The following NRG3 variants were observed in gnomAD, a reference collection of about 807,000 sequenced individuals.
The protein encoded by NRG3 is neuregulin 3.
NRG3 carries 31 observed loss-of-function variants against 66.9 expected under a neutral mutation model. The observed-to-expected ratio is 0.46, with a 90% CI of 0.35 to 0.63. NRG3 has a LOEUF of 0.63. Among genes scored for constraint, NRG3 ranks in the 20% least tolerant of loss-of-function variants. The probability of loss-of-function intolerance (pLI) is 0.00; values close to 1 mark genes in which losing one functional copy is unlikely to be tolerated. For missense variants in NRG3, 910 were observed against 878.9 expected, an observed-to-expected ratio of 1.04 and a Z score of -0.45; for synonymous variants, 393 against 359.4, an observed-to-expected ratio of 1.09 and a Z score of -1.06.
chr10:82,655,788 T>A (rs1401847709), intron 2 of NRG3, among the ~76,000 whole-genome samples: 1 of 152,224 alleles, frequency 6.6e-6, no homozygotes, highest in Admixed American at 6.5e-5. Context: ...ATTATGTGAC[T>A]ATTAGCAAGC....
At chr10:81,878,619 C>A (rs1380623889) in intron 1 of NRG3, among the ~76,000 whole-genome samples, 1 of 152,094 alleles carries the variant, frequency 6.6e-6, no homozygotes, top group Non-Finnish European at 1.5e-5. Flanking sequence ...CTTGATTATG[C>A]CCGTAAAGTT....
At chr10:82,186,992 T>A (rs1236501802) in intron 1 of NRG3, among the ~76,000 whole-genome samples, 1 of 152,190 alleles carries the variant, frequency 6.6e-6, no homozygotes, top group African/African-American at 2.4e-5. Flanking sequence ...TCTTACCTGA[T>A]CTTACTTTCC....
At chr10:81,936,599 CCT>C (rs2133052659) in intron 1 of NRG3, among the ~76,000 whole-genome samples, 1 of 152,042 alleles carries the variant, frequency 6.6e-6, no homozygotes, top group Admixed American at 6.6e-5. Context: ...TGAGAGAGAC[CCT>C]GTGTCAGCTA....
intron 1 of NRG3, among the ~76,000 whole-genome samples, chr10:82,089,211 C>T (rs1381529500): frequency 2.6e-5 from 4 of 151,670 alleles, no homozygotes; most frequent in East Asian, 1.9e-4. Flanking sequence ...TATTGAAATG[C>T]TAATTTATAA....
intron 3 of NRG3, among the ~76,000 whole-genome samples, chr10:82,814,664 G>C (rs897075708): frequency 6.6e-6 from 1 of 152,120 alleles, no homozygotes; most frequent in African/African-American, 2.4e-5. Context: ...TGAGTTTTAG[G>C]ACCAAGAAGT....
chr10:82,167,330 G>A (rs761358031), intron 1 of NRG3, among the ~76,000 whole-genome samples: 29 of 151,926 alleles, frequency 1.9e-4, no homozygotes, highest in Admixed American at 9.2e-4. Flanking sequence ...TTTATGATTC[G>A]TAGGCTGGAC....
At chr10:82,404,651 T>A (rs773064416) in intron 2 of NRG3, among the ~76,000 whole-genome samples, 22 of 152,196 alleles carry the variant, frequency 1.4e-4, no homozygotes, top group Non-Finnish European at 2.8e-4. Context: ...TGGGAAAATA[T>A]TTCTGAGATA....
chr10:82,950,224 G>A (rs1849395964), intron 4 of NRG3, among the ~76,000 whole-genome samples: 1 of 152,184 alleles, frequency 6.6e-6, no homozygotes, highest in Admixed American at 6.5e-5. Context: ...AATGTATATA[G>A]ATGCAATTAA....
chr10:82,541,259 C>A (rs189653243), intron 2 of NRG3, among the ~76,000 whole-genome samples: 1 of 151,962 alleles, frequency 6.6e-6, no homozygotes, highest in Non-Finnish European at 1.5e-5. Context: ...GATATAAATA[C>A]GCATGCATAT....
chr10:82,789,383 C>T lies in NRG3; in HGVS notation c.1027+50733C>T, dbSNP rs1117460. ...AAGTTGTAAGTGTTCTTTATATACT[C>T]AGTGGACAAGTGTCATATTAGAAAT... is the stretch of plus-strand genomic sequence containing the variant. On this transcript the variant is annotated intron_variant, in intron 3 of 8. Coordinates refer to ENST00000372141, the MANE Select transcript of NRG3 (RefSeq NM_001010848.4). Among the ~76,000 whole-genome samples the T allele has an allele frequency of 6.9e-3, 1,047 of 152,106 alleles. 13 individuals are homozygous for T. Among genetic ancestry groups the T allele is most frequent in the African/African-American group, 0.024 (1,009 of 41,516 alleles).
intron 2 of NRG3, among the ~76,000 whole-genome samples, chr10:82,617,702 G>A (rs1343975781): frequency 6.6e-6 from 1 of 152,140 alleles, no homozygotes; most frequent in African/African-American, 2.4e-5. Context: ...GGACGAAGCA[G>A]TGGGACGCAG....
intron 2 of NRG3, among the ~76,000 whole-genome samples, chr10:82,498,178 C>G (rs1843797978): frequency 6.7e-6 from 1 of 150,016 alleles, no homozygotes; most frequent in Admixed American, 6.6e-5. Flanking sequence ...TATATATTCT[C>G]TTATTTTATA....
At chr10:81,964,848 T>A (rs569882651) in intron 1 of NRG3, among the ~76,000 whole-genome samples, 17 of 152,324 alleles carry the variant, frequency 1.1e-4, no homozygotes, top group Admixed American at 3.9e-4. Flanking sequence ...TCCCATATTT[T>A]TCCGTGCTTA....
chr10:82,038,519 G>T (rs2062892947), intron 1 of NRG3, among the ~76,000 whole-genome samples: 1 of 152,134 alleles, frequency 6.6e-6, no homozygotes, highest in African/African-American at 2.4e-5. Flanking sequence ...CTCAATTTCA[G>T]ACTACTAGAA....
At position 82,391,998 on chromosome 10, in the gene NRG3, AAAAAAAAAAAAAC is replaced by A. The variant is rs1448711676; in HGVS notation, c.953+33141_953+33153del. ...AATCCTCTTTCGAGCACATGCAAAA[AAAAAAAAAAAAAC>A]AAAAAAAAAACCCACGAAACTAGGA... On this transcript the variant is annotated intron_variant, in intron 2 of 8. Coordinates refer to ENST00000372141, the MANE Select transcript of NRG3 (RefSeq NM_001010848.4). Among the ~76,000 whole-genome samples, 513 of 148,794 alleles carry A rather than the reference AAAAAAAAAAAAAC, an allele frequency of 3.4e-3. 1 individual carries two copies. Among genetic ancestry groups the A allele is most frequent in the African/African-American group, 0.012 (482 of 40,414 alleles).
chr10:82,948,191 A>T (rs1461871786), intron 4 of NRG3, among the ~76,000 whole-genome samples: 3 of 152,090 alleles, frequency 2.0e-5, no homozygotes, highest in African/African-American at 4.8e-5. Flanking sequence ...CCATTGAATT[A>T]TGTTGGCATC....
At chr10:82,110,827 A>T (rs928343769) in intron 1 of NRG3, among the ~76,000 whole-genome samples, 2 of 151,986 alleles carry the variant, frequency 1.3e-5, no homozygotes, top group African/African-American at 2.4e-5. Flanking sequence ...TTCAAGGGAG[A>T]TGTGTGGATC....
chr10:82,759,176 G>GTT (rs1555027427), intron 3 of NRG3, among the ~76,000 whole-genome samples: 3 of 149,924 alleles, frequency 2.0e-5, no homozygotes, highest in Non-Finnish European at 3.0e-5. Flanking sequence ...GGCTTTCTTG[G>GTT]TCTCTCTCTC....
intron 1 of NRG3, among the ~76,000 whole-genome samples, chr10:82,202,882 C>T (rs1355961073): frequency 6.6e-6 from 1 of 152,130 alleles, no homozygotes; most frequent in Non-Finnish European, 1.5e-5. Context: ...TGCTATTAGA[C>T]TATATAAAAG....
Sources: allele counts gnomAD v4.1 joint callset (sites outside exome capture counted in the v4.1 genomes callset), GRCh38; gene constraint gnomAD v4.1.1; transcripts MANE v1.5; gene names NCBI Gene and HGNC (gene_info 2026-07-23, HGNC 2026-07-21).